LRRC37A2: variants seen among roughly 807,000 people sequenced by gnomAD.
The protein encoded by LRRC37A2 is leucine rich repeat containing 37 member A2.
A neutral mutation model predicts 68.8 loss-of-function variants in LRRC37A2; 9 were observed. The observed-to-expected ratio is 0.13, with a 90% CI of 0.08 to 0.23. The LOEUF is 0.23. Among genes scored for constraint, LRRC37A2 ranks in the 10% least tolerant of loss-of-function variants. The pLI is 1.00. For missense variants in LRRC37A2, 168 were observed against 950.4 expected, an observed-to-expected ratio of 0.18 and a Z score of 10.82; for synonymous variants, 63 against 367.6, an observed-to-expected ratio of 0.17 and a Z score of 9.48.
the LRRC37A2 span, chr17:47,017,260 C>G: frequency 3.1e-6 from 5 of 1,611,422 alleles, no homozygotes; most frequent in Non-Finnish European, 4.2e-6. Flanking sequence ...GGCCCATGGC[C>G]CCTCCTTATG....
the LRRC37A2 span, chr17:46,973,219 T>A: frequency 5.8e-5 from 9 of 153,984 alleles, no homozygotes; most frequent in African/African-American, 2.2e-4. Flanking sequence ...ACTCATTAGC[T>A]GAGTGTGACC....
chr17:46,932,081 T>TA, the LRRC37A2 span: 4 of 1,613,584 alleles, frequency 2.5e-6, no homozygotes, highest in Non-Finnish European at 3.4e-6. Flanking sequence ...GTTGACCAGT[T>TA]AAAGTATGAT....
At chr17:46,922,953 A>G in the LRRC37A2 span, 1 of 591,212 alleles carries the variant, frequency 1.7e-6, no homozygotes, top group Non-Finnish European at 3.0e-6. Context: ...GAACATGTAC[A>G]CCGCCTTGCC....
the LRRC37A2 span, among the ~76,000 whole-genome samples, chr17:46,801,034 G>A: frequency 1.3e-5 from 2 of 152,204 alleles, no homozygotes; most frequent in Admixed American, 1.3e-4. Context: ...CTAACTCACT[G>A]AGTACACACC....
the LRRC37A2 span, among the ~76,000 whole-genome samples, chr17:46,838,973 G>T: frequency 6.6e-6 from 1 of 152,074 alleles, no homozygotes; most frequent in African/African-American, 2.4e-5. Flanking sequence ...TTCCTCCCGG[G>T]TTCAAGCCAT....
At chr17:46,769,993 G>C in the LRRC37A2 span, 1 of 1,605,006 alleles carries the variant, frequency 6.2e-7, no homozygotes, top group Non-Finnish European at 8.5e-7. Context: ...AGCGGGTGAC[G>C]GCGAAGGCCA....
the LRRC37A2 span, chr17:47,005,482 G>A: frequency 6.6e-6 from 1 of 152,304 alleles, no homozygotes; most frequent in East Asian, 1.9e-4. Flanking sequence ...TGGGATCGTG[G>A]TATGTAAGGA....
At chr17:46,921,883 T>C in the LRRC37A2 span, among the ~76,000 whole-genome samples, 2 of 152,230 alleles carry the variant, frequency 1.3e-5, no homozygotes, top group African/African-American at 2.4e-5. Context: ...ACACTGTTGG[T>C]GGGACTGTTA....
chr17:46,940,134 C>T, the LRRC37A2 span: 1 of 1,253,180 alleles, frequency 8.0e-7, no homozygotes, highest in Non-Finnish European at 1.0e-6. Flanking sequence ...TGTTCCCCTC[C>T]CCGCTGCTCT....
the LRRC37A2 span, chr17:47,019,509 A>G: frequency 5.8e-6 from 9 of 1,542,380 alleles, no homozygotes; most frequent in Middle Eastern, 1.9e-4. Flanking sequence ...GGAGAAGACT[A>G]CAGCTCCTCA....
the LRRC37A2 span, chr17:46,931,657 T>TCCCCCCCCCCCCC: frequency 3.6e-6 from 1 of 279,390 alleles, no homozygotes. Context: ...CCTTGCCACC[T>TCCCCCCCCCCCCC]CCACCCCCAG....
At chr17:46,986,675 G>A in the LRRC37A2 span, among the ~76,000 whole-genome samples, 1 of 152,206 alleles carries the variant, frequency 6.6e-6, no homozygotes, top group African/African-American at 2.4e-5. Context: ...ACACTGTGGG[G>A]ACTATCTGAG....
At chr17:46,847,360 A>C in the LRRC37A2 span, among the ~76,000 whole-genome samples, 1 of 152,236 alleles carries the variant, frequency 6.6e-6, no homozygotes, top group African/African-American at 2.4e-5. Flanking sequence ...TCTGGACTTT[A>C]GTGCCCTCAT....
At chr17:46,750,056 A>G in the LRRC37A2 span, 2 of 866,988 alleles carry the variant, frequency 2.3e-6, no homozygotes, top group Non-Finnish European at 3.4e-6. Flanking sequence ...ACCTTATCCA[A>G]AATGCCTGGG....
At chr17:46,462,069 G>A in the LRRC37A2 span, among the ~76,000 whole-genome samples, 1 of 82,168 alleles carries the variant, frequency 1.2e-5, no homozygotes, top group East Asian at 2.4e-4. Flanking sequence ...TGTACATTGT[G>A]CCCAAACTTT....
chr17:46,975,175 T>TC, the LRRC37A2 span: 1 of 151,980 alleles, frequency 6.6e-6, no homozygotes, highest in African/African-American at 2.4e-5. Context: ...AAGCTATGGG[T>TC]CCCCTATCGC....
chr17:46,719,566 G>A, the LRRC37A2 span, among the ~76,000 whole-genome samples: 1 of 152,042 alleles, frequency 6.6e-6, no homozygotes, highest in African/African-American at 2.4e-5. This position sits in a 1 kb window ranked among gnomAD's most constrained non-coding sequence, Gnocchi z 4.3. Context: ...CTCACGTTCT[G>A]GGGGGTATAC....
At chr17:46,935,032 T>C in the LRRC37A2 span, 70 of 1,612,916 alleles carry the variant, frequency 4.3e-5, no homozygotes, top group Non-Finnish European at 5.9e-5. Flanking sequence ...TTCACAGGAC[T>C]CTGACACCAC....
At chr17:46,851,173 C>T in the LRRC37A2 span, among the ~76,000 whole-genome samples, 4 of 152,016 alleles carry the variant, frequency 2.6e-5, no homozygotes, top group Admixed American at 6.5e-5. The surrounding 1 kb of genome is among the most constrained non-coding windows in gnomAD (Gnocchi z 4.3). Flanking sequence ...GGGTTTTCCA[C>T]CGACTCCAGA....
Sources: allele counts gnomAD v4.1 joint callset (sites outside exome capture counted in the v4.1 genomes callset), GRCh38; gene constraint gnomAD v4.1.1; non-coding constraint Gnocchi (gnomAD v3.1); transcripts MANE v1.5; gene names NCBI Gene and HGNC (gene_info 2026-07-23, HGNC 2026-07-21).